The following TCF7L1 variants were observed in gnomAD, a reference collection of about 807,000 sequenced individuals.
TCF7L1 encodes the protein transcription factor 7 like 1.
In TCF7L1, 18 loss-of-function variants were observed where a neutral mutation model predicts 63.7. The observed-to-expected ratio is 0.28, with a 90% confidence interval of 0.20 to 0.42. The LOEUF (loss-of-function observed/expected upper bound fraction) is 0.42, where lower values mean the gene tolerates loss of function less well. Ranked by LOEUF, TCF7L1 falls within the 10% of genes least tolerant of loss-of-function variation. TCF7L1 has a pLI of 1.00. For missense variants in TCF7L1, 654 were observed against 779.3 expected, an observed-to-expected ratio of 0.84 and a Z score of 1.91; for synonymous variants, 355 against 340.9, an observed-to-expected ratio of 1.04 and a Z score of -0.46.
At chr2:85,171,113 G>A (rs1055376419) in intron 3 of TCF7L1, among the ~76,000 whole-genome samples, 1 of 152,168 alleles carries the variant, frequency 6.6e-6, no homozygotes, top group African/African-American at 2.4e-5. Flanking sequence ...AGAAGCAGAG[G>A]CACGTCTTAC....
chr2:85,222,352 C>A (rs1368740382), intron 3 of TCF7L1, among the ~76,000 whole-genome samples: 62 of 123,578 alleles, frequency 5.0e-4, no homozygotes, highest in African/African-American at 1.4e-3. Flanking sequence ...AAAAAAAAAA[C>A]AAACAAACAA....
chr2:85,169,409 GGAGTACAGT>G (rs1438111013), intron 3 of TCF7L1, among the ~76,000 whole-genome samples: 1 of 150,588 alleles, frequency 6.6e-6, no homozygotes, highest in Non-Finnish European at 1.5e-5. Flanking sequence ...TGCCCAGGCT[GGAGTACAGT>G]GGTGCAGTCA....
At chr2:85,283,401 T>G in intron 3 of TCF7L1, 94 bp from the exon 4 acceptor site, 1 of 1,373,714 alleles carries the variant, frequency 7.3e-7, no homozygotes, top group Non-Finnish European at 1.0e-6. Flanking sequence ...CCCAATGGCC[T>G]GCCCCGGTGC....
intron 3 of TCF7L1, among the ~76,000 whole-genome samples, chr2:85,230,145 A>T (rs1373985936): frequency 6.6e-6 from 1 of 152,138 alleles, no homozygotes; most frequent in African/African-American, 2.4e-5. Context: ...TTTTCACTTC[A>T]TACTTTATCC....
At chr2:85,249,284 G>A (rs889599960) in intron 3 of TCF7L1, among the ~76,000 whole-genome samples, 9 of 152,188 alleles carry the variant, frequency 5.9e-5, no homozygotes, top group South Asian at 2.1e-4. Flanking sequence ...GTGGTCCCTC[G>A]CTGGCCTGTG....
intron 3 of TCF7L1, among the ~76,000 whole-genome samples, chr2:85,207,429 C>T (rs1002954386): frequency 8.5e-5 from 13 of 152,130 alleles, no homozygotes; most frequent in Non-Finnish European, 1.6e-4. Context: ...TTTCTCACAG[C>T]ACCCTTGGCA....
intron 3 of TCF7L1, among the ~76,000 whole-genome samples, chr2:85,282,794 TTGTGTGTGTGTGTGTGTGTGTGTGTG>T (rs59628868): frequency 1.7e-5 from 2 of 119,226 alleles, no homozygotes; most frequent in African/African-American, 6.7e-5. Flanking sequence ...GAGAGAGAGA[TTGTGTGTGTGTGTGTGTGTGTGTGTG>T]TGTGTGTGTG....
intron 3 of TCF7L1, chr2:85,167,451 A>G (rs1405247987): frequency 6.6e-6 from 1 of 152,262 alleles, no homozygotes; most frequent in African/African-American, 2.4e-5. Flanking sequence ...CTGTACCCCC[A>G]CATTCACTGC....
intron 3 of TCF7L1, among the ~76,000 whole-genome samples, chr2:85,237,350 A>T (rs1334062877): frequency 2.6e-5 from 4 of 151,904 alleles, no homozygotes; most frequent in Non-Finnish European, 5.9e-5. Context: ...TCCTTGTTAT[A>T]ACTGTGGCCC....
intron 4 of TCF7L1, among the ~76,000 whole-genome samples, chr2:85,299,728 G>A (rs1417294477): frequency 6.6e-6 from 1 of 151,654 alleles, no homozygotes. Context: ...GTGTGGCAGT[G>A]CGCATCTGTA....
At chr2:85,199,619 G>T (rs1217938142) in intron 3 of TCF7L1, among the ~76,000 whole-genome samples, 1 of 152,150 alleles carries the variant, frequency 6.6e-6, no homozygotes, top group Non-Finnish European at 1.5e-5. Context: ...GTCTTTAAAA[G>T]CTCCCCGAGT....
intron 3 of TCF7L1, among the ~76,000 whole-genome samples, chr2:85,255,098 AC>A (rs1680678515): frequency 6.6e-6 from 1 of 152,122 alleles, no homozygotes; most frequent in African/African-American, 2.4e-5. Context: ...CTGAGGCCTC[AC>A]TGAGATGGCC....
intron 4 of TCF7L1, among the ~76,000 whole-genome samples, chr2:85,288,279 G>A (rs1285891444): frequency 6.6e-6 from 1 of 152,138 alleles, no homozygotes; most frequent in African/African-American, 2.4e-5. Context: ...CTGGGGTGCG[G>A]CTGGTATCTT....
At chr2:85,189,223 G>A (rs1678995904) in intron 3 of TCF7L1, among the ~76,000 whole-genome samples, 1 of 151,652 alleles carries the variant, frequency 6.6e-6, no homozygotes, top group African/African-American at 2.4e-5. Context: ...TTTTTTTCCT[G>A]GAATATACCA....
intron 3 of TCF7L1, among the ~76,000 whole-genome samples, chr2:85,250,562 G>T (rs979136717): frequency 6.6e-6 from 1 of 152,004 alleles, no homozygotes; most frequent in African/African-American, 2.4e-5. Context: ...TCAGCCTCCT[G>T]AGTAGCTGGG....
At chr2:85,207,855 T>C (rs983098415) in intron 3 of TCF7L1, among the ~76,000 whole-genome samples, 3 of 152,148 alleles carry the variant, frequency 2.0e-5, no homozygotes, top group African/African-American at 4.8e-5. Flanking sequence ...ATTCTGAGTG[T>C]AAGGTAGGCT....
chr2:85,155,849 G>A (rs890875972), intron 3 of TCF7L1, among the ~76,000 whole-genome samples: 8 of 152,124 alleles, frequency 5.3e-5, no homozygotes, highest in Non-Finnish European at 8.8e-5. Flanking sequence ...ATAGGAACCA[G>A]TGTTTTAGAC....
chr2:85,278,139 G>C (rs984322058), intron 3 of TCF7L1, among the ~76,000 whole-genome samples: 7 of 152,126 alleles, frequency 4.6e-5, no homozygotes, highest in South Asian at 2.1e-4. Context: ...TGGATTCTCC[G>C]CCTTCCTGCA....
intron 3 of TCF7L1, among the ~76,000 whole-genome samples, chr2:85,194,577 G>T (rs1679112722): frequency 6.6e-6 from 1 of 152,182 alleles, no homozygotes; most frequent in Admixed American, 6.5e-5. Context: ...CATGGTCAGG[G>T]CATCTTCTGA....
Sources: gnomAD v4.1 joint callset for allele counts (sites outside exome capture counted in the v4.1 genomes callset) on GRCh38, gnomAD v4.1.1 for gene constraint, MANE v1.5 for transcripts, NCBI Gene and HGNC (gene_info 2026-07-23, HGNC 2026-07-21) for gene names.